Variants in LPCAT4 observed in about 807,000 individuals in gnomAD.
The protein encoded by LPCAT4 is lysophospholipid acyltransferase LPCAT4.
In LPCAT4, 30 loss-of-function variants were observed where a neutral mutation model predicts 66.5. The observed-to-expected ratio is 0.45, with a 90% CI of 0.34 to 0.61. The LOEUF (loss-of-function observed/expected upper bound fraction) is 0.61. LPCAT4 is among the 20% of genes least tolerant of loss of function. The probability of loss-of-function intolerance (pLI) is 0.01; values close to 1 mark genes in which losing one functional copy is unlikely to be tolerated. For missense variants in LPCAT4, 557 were observed against 656.7 expected, an observed-to-expected ratio of 0.85 and a Z score of 1.66; for synonymous variants, 253 against 262.1, an observed-to-expected ratio of 0.97 and a Z score of 0.34.
Position 34,360,195 on chromosome 15 carries a change from C to T in LPCAT4, c.1158G>A (p.Leu386=). ...CAAGGGCCACATCTCGGAAGTCCAC[C>T]AAACCCTTGGTATCCTGGTGTGAAA... ...FGYFQQDTKG[L]VDFRDVALAL... The change falls in exon 12 of 14, where the codon TTG becomes TTA. Residue 386 remains leucine, a synonymous_variant. Transcript: ENST00000314891. 1 of 1,614,118 alleles carries T rather than the reference C, an allele frequency of 6.2e-7. No homozygotes were observed. The highest frequency in any genetic ancestry group is 1.1e-5 in the South Asian group (1 of 91,078).
rs1317134403 is a variant in LPCAT4 at position 34,363,630 on chromosome 15, C to T, written c.711+31G>A. ...CCATTTGGGGTGGATTTGTGCTCCC[C>T]CTTTCCACTCTTTCTTGGACTAAGA... is the stretch of plus-strand genomic sequence containing the variant. On this transcript the variant is annotated intron_variant, in intron 6 of 13. Transcript: ENST00000314891. This position sits in a 1 kb window ranked among gnomAD's most constrained non-coding sequence, Gnocchi z 4.3. 3 of 1,613,396 alleles carry T rather than the reference C, an allele frequency of 1.9e-6. No individual in the cohort carries two copies. The highest frequency in any genetic ancestry group is 2.7e-5 in the African/African-American group (2 of 74,910).
At position 34,359,098 on chromosome 15, in the gene LPCAT4, G is replaced by A; in HGVS notation, c.*29C>T. The A allele has an allele frequency of 1.3e-6, 2 of 1,584,990 alleles. No homozygotes were observed. Among genetic ancestry groups the A allele is most frequent in the African/African-American group, 2.7e-5 (2 of 74,508 alleles). On this transcript the variant is annotated 3_prime_UTR_variant, in exon 14 of 14. Coordinates refer to ENST00000314891, the MANE Select transcript of LPCAT4 (RefSeq NM_153613.3). ...TAGGGGAGGCCCCTAGCGCTGCCCT[G>A]AGGAGGAGGGGGTGAGAGGCTGAGG...
chr15:34,359,823 G>A, intron 12 of LPCAT4, 78 bp from the exon 13 acceptor site: 1 of 1,443,216 alleles, frequency 6.9e-7, no homozygotes, highest in Non-Finnish European at 9.4e-7. Context: ...TGGCCTGACA[G>A]GCTCCTCCTC....
chr15:34,362,924 A>C, intron 7 of LPCAT4, 88 bp from the exon 8 acceptor site: 2 of 1,331,260 alleles, frequency 1.5e-6, no homozygotes, highest in Non-Finnish European at 2.1e-6. Context: ...TCCCCAACCC[A>C]GGTGGGGAGT....
rs1890935709 is a variant in LPCAT4 at position 34,361,278 on chromosome 15, C to T, written c.1143+122G>A. 2.6e-6 allele frequency: 4 copies of T among 1,517,014 alleles called. No individual in the cohort carries two copies. In the Admixed American group the frequency reaches 8.3e-5, roughly 31 times the overall value. The allele number at this position is 1,517,014 out of a possible 1,614,324, so 94.0% of individuals were successfully genotyped here. A position where few individuals can be genotyped will look rare whatever the true frequency, so the allele number is the denominator to read the frequency against. ...TGGATCTCAGGGGATGGCCATCTAA[C>T]AACAGCTGTGAGAACATCCACTGAG... On this transcript the variant is annotated intron_variant, in intron 11 of 13. Coordinates refer to ENST00000314891, the MANE Select transcript of LPCAT4 (RefSeq NM_153613.3).
chr15:34,362,942 G>T, intron 7 of LPCAT4, 106 bp from the exon 8 acceptor site: 1 of 1,120,222 alleles, frequency 8.9e-7, no homozygotes, highest in Non-Finnish European at 1.3e-6. Context: ...AGTGGGAAAA[G>T]TTCTGCCCAT....
chr15:34,362,007 C>A (rs1448823603), intron 10 of LPCAT4, among the ~76,000 whole-genome samples, 189 bp downstream of exon 10: 1 of 152,144 alleles, frequency 6.6e-6, no homozygotes, highest in East Asian at 1.9e-4. Context: ...CCCCTTCTTA[C>A]TTTTTTCACC....
chr15:34,362,465 C>G lies in LPCAT4; in HGVS notation c.884+108G>C, dbSNP rs989487422. ...CTGTCTCAGCTGTTCAAGAGCCCTT[C>G]CCACTGCCTGCTCCTCGATCTTTGC... On this transcript the variant is annotated intron_variant, in intron 9 of 13. Coordinates refer to ENST00000314891, the MANE Select transcript of LPCAT4 (RefSeq NM_153613.3). 3.7e-5 allele frequency: 52 copies of G among 1,396,800 alleles called. No individual in the cohort carries two copies. The African/African-American group carries it at 6.9e-4, about 18-fold the overall frequency. 86.5% of individuals were successfully genotyped at this position (1,396,800 alleles called of 1,614,324 possible). A position where few individuals can be genotyped will look rare whatever the true frequency, so the allele number is the denominator to read the frequency against.
chr15:34,365,755 A>G, intron 1 of LPCAT4, 54 bp from the exon 2 acceptor site: 1 of 1,590,412 alleles, frequency 6.3e-7, no homozygotes. Flanking sequence ...CTCCCTCCAC[A>G]GCATCCTTCT....
intron 1 of LPCAT4, 115 bp downstream of exon 1, chr15:34,366,867 TCCGCA>T: frequency 6.8e-7 from 1 of 1,462,328 alleles, no homozygotes; most frequent in Non-Finnish European, 9.3e-7. Context: ...GGACTCCCGC[TCCGCA>T]AGCCTCTCAG....
chr15:34,363,184 T>G lies in LPCAT4; in HGVS notation c.746+238A>C, dbSNP rs370643530. Among the ~76,000 whole-genome samples, 4 of 152,058 alleles carry G rather than the reference T, an allele frequency of 2.6e-5. No individual in the cohort carries two copies. The highest frequency in any genetic ancestry group is 2.1e-4 in the South Asian group (1 of 4,812). On this transcript the variant is annotated intron_variant, in intron 7 of 13. Coordinates refer to ENST00000314891, the MANE Select transcript of LPCAT4 (RefSeq NM_153613.3). The surrounding 1 kb of genome is among the most constrained non-coding windows in gnomAD (Gnocchi z 4.3). ...ATTGAGGGAGAAAATCACAGAAACA[T>G]GGGAAGATAAATGCATAGCAGCCAT...
chr15:34,366,992 C>T lies in LPCAT4; in HGVS notation c.109G>A (p.Val37Ile), dbSNP rs756454215. 1 of 1,562,654 alleles carries T rather than the reference C, an allele frequency of 6.4e-7. No individual in the cohort carries two copies. The change falls in exon 1 of 14, where the codon GTT becomes ATT. Residue 37 changes from valine to isoleucine, a missense_variant. By Grantham distance (29) the Val-to-Ile change is conservative (BLOSUM62 3). Transcript: ENST00000314891. The stretch of plus-strand genomic sequence containing the variant: ...GCCCGCTCCCCACACATTACCTTAA[C>T]CCTCTGGAGGCGAGAGAGATGTAAC... ...HELHLSRLQR[V>I]KFCLLGALLA...
At position 34,365,710 on chromosome 15, in the gene LPCAT4, G is replaced by T. The variant is rs1439037982; in HGVS notation, c.115-9C>A. The T allele has an allele frequency of 6.2e-7, 1 of 1,613,220 alleles. No individual in the cohort carries two copies. Among genetic ancestry groups the T allele is most frequent in the Non-Finnish European group, 8.5e-7 (1 of 1,179,818 alleles). ...GCCCCCAGGAGGCAGAACTGCAAAG[G>T]GTGGGAGAGAATGCCACTTTAGAGC... On this transcript the variant is annotated splice_polypyrimidine_tract_variant and intron_variant, in intron 1 of 13. Coordinates refer to ENST00000314891, the MANE Select transcript of LPCAT4 (RefSeq NM_153613.3).
intron 3 of LPCAT4, 54 bp downstream of exon 3, chr15:34,364,954 C>T: frequency 6.6e-7 from 1 of 1,506,502 alleles, no homozygotes; most frequent in Non-Finnish European, 9.1e-7. Flanking sequence ...CCATTCCTGA[C>T]TTTTTTTGCC....
chr15:34,363,918 T>TC lies in LPCAT4; in HGVS notation c.652+94dup. 12 of 1,386,720 alleles carry TC rather than the reference T, an allele frequency of 8.7e-6. No homozygotes were observed. Among genetic ancestry groups the TC allele is most frequent in the Non-Finnish European group, 1.1e-5 (11 of 984,112 alleles). 85.9% of individuals were successfully genotyped at this position (1,386,720 alleles called of 1,614,324 possible). A position where few individuals can be genotyped will look rare whatever the true frequency, so the allele number is the denominator to read the frequency against. On this transcript the variant is annotated intron_variant, in intron 5 of 13. Transcript: ENST00000314891. This position sits in a 1 kb window ranked among gnomAD's most constrained non-coding sequence, Gnocchi z 4.3. ...CTGGTCTCCCTTCCTCTCCCATCCC[T>TC]CCCCCTCTTCTACTTCTTGGGTTAT...
chr15:34,365,016 A>C lies in LPCAT4; in HGVS notation c.470T>G (p.Val157Gly), dbSNP rs1421213368. The part of the protein sequence containing the change: ...VSRAENLSVP[V>G]IGALLRFNQA... ...CCTTTGAACTCTCTCACCTCCAATG[A>C]CAGGAACGGAAAGGTTCTCAGCTCG... Residue 157 changes from valine (V) to glycine (G), a missense_variant, in exon 3 of 14, where the codon GTC becomes GGC. Transcript: ENST00000314891. 6.2e-7 allele frequency: 1 copy of C among 1,608,914 alleles called. No individual in the cohort carries two copies. The highest frequency in any genetic ancestry group is 8.5e-7 in the Non-Finnish European group (1 of 1,175,638).
chr15:34,366,852 C>A, intron 1 of LPCAT4, 135 bp downstream of exon 1: 1 of 1,382,720 alleles, frequency 7.2e-7, no homozygotes, highest in East Asian at 2.7e-5. Flanking sequence ...CACGTGCGCA[C>A]CCCCGGACTC....
chr15:34,366,184 G>T (rs1891072220), intron 1 of LPCAT4, among the ~76,000 whole-genome samples: 1 of 152,198 alleles, frequency 6.6e-6, no homozygotes, highest in South Asian at 2.1e-4. Context: ...TCAGACCCGA[G>T]GTCATTTTCT....
At chr15:34,360,661 T>C (rs572871664) in intron 11 of LPCAT4, among the ~76,000 whole-genome samples, 112 of 152,330 alleles carry the variant, frequency 7.4e-4, no homozygotes, top group African/African-American at 2.6e-3. Context: ...TGGGAGACCA[T>C]GGCATTTGAA....
Sources: gnomAD v4.1 joint callset for allele counts (sites outside exome capture counted in the v4.1 genomes callset) on GRCh38, gnomAD v4.1.1 for gene constraint, Gnocchi (gnomAD v3.1) non-coding constraint, MANE v1.5 for transcripts, NCBI Gene and HGNC (gene_info 2026-07-23, HGNC 2026-07-21) for gene names.